PDGFC: variants seen among roughly 807,000 people sequenced by gnomAD.
PDGFC encodes platelet derived growth factor C.
A neutral mutation model predicts 35.5 loss-of-function variants in PDGFC; 12 were observed. The observed-to-expected ratio is 0.34, with a 90% CI of 0.22 to 0.55. The LOEUF (loss-of-function observed/expected upper bound fraction) is 0.55, where lower values mean the gene tolerates loss of function less well. PDGFC is among the 20% of genes least tolerant of loss of function. The pLI, the probability that PDGFC is intolerant of heterozygous loss-of-function variation, is 0.91. For missense variants in PDGFC, 322 were observed against 412.4 expected, an observed-to-expected ratio of 0.78 and a Z score of 1.90; for synonymous variants, 159 against 148.8, an observed-to-expected ratio of 1.07 and a Z score of -0.50.
At chr4:156,902,560 G>A (rs988261637) in intron 1 of PDGFC, among the ~76,000 whole-genome samples, 1 of 152,050 alleles carries the variant, frequency 6.6e-6, no homozygotes, top group Non-Finnish European at 1.5e-5. Flanking sequence ...GAAACTATAA[G>A]AATCACATGC....
intron 1 of PDGFC, among the ~76,000 whole-genome samples, chr4:156,888,580 G>A (rs1178024027): frequency 1.3e-5 from 2 of 152,070 alleles, no homozygotes; most frequent in African/African-American, 4.8e-5. Context: ...GTTTAAAAAA[G>A]TCAACTAACT....
At chr4:156,956,442 T>A (rs1399383054) in intron 1 of PDGFC, among the ~76,000 whole-genome samples, 2 of 152,054 alleles carry the variant, frequency 1.3e-5, no homozygotes, top group Non-Finnish European at 1.5e-5. Context: ...GTATGTATAT[T>A]ACAGTTTATG....
chr4:156,782,946 C>T (rs1731022712), intron 3 of PDGFC, among the ~76,000 whole-genome samples: 1 of 152,110 alleles, frequency 6.6e-6, no homozygotes, highest in Admixed American at 6.5e-5. Context: ...ATGGAAAAAC[C>T]TGTGTCCTTT....
chr4:156,856,198 A>G (rs1729575782), intron 1 of PDGFC, among the ~76,000 whole-genome samples: 1 of 152,152 alleles, frequency 6.6e-6, no homozygotes, highest in South Asian at 2.1e-4. Flanking sequence ...AATATTCACT[A>G]AGGAAAAGTA....
At chr4:156,882,881 G>A (rs999283392) in intron 1 of PDGFC, among the ~76,000 whole-genome samples, 34 of 152,016 alleles carry the variant, frequency 2.2e-4, no homozygotes, top group African/African-American at 7.2e-4. Context: ...TCAGGAGATC[G>A]AGACCATCCT....
At chr4:156,776,235 C>T (rs1730824936) in intron 3 of PDGFC, among the ~76,000 whole-genome samples, 1 of 152,172 alleles carries the variant, frequency 6.6e-6, no homozygotes, top group Non-Finnish European at 1.5e-5. Flanking sequence ...CTAGAAAATT[C>T]TAACAATACT....
At chr4:156,930,987 T>C (rs1038672088) in intron 1 of PDGFC, among the ~76,000 whole-genome samples, 6 of 152,236 alleles carry the variant, frequency 3.9e-5, no homozygotes, top group African/African-American at 1.4e-4. Flanking sequence ...TTAATTTCCC[T>C]GCCCAGTAAT....
At chr4:156,934,854 C>G (rs1483582607) in intron 1 of PDGFC, among the ~76,000 whole-genome samples, 1 of 152,158 alleles carries the variant, frequency 6.6e-6, no homozygotes, top group Non-Finnish European at 1.5e-5. Flanking sequence ...TGTCTTCCAC[C>G]TCTATATTTT....
intron 1 of PDGFC, among the ~76,000 whole-genome samples, chr4:156,857,369 G>A (rs1399082068): frequency 6.6e-6 from 1 of 152,018 alleles, no homozygotes; most frequent in Non-Finnish European, 1.5e-5. Context: ...GTGATTTTTA[G>A]ATAGTGATTT....
intron 2 of PDGFC, among the ~76,000 whole-genome samples, chr4:156,831,764 A>C (rs1728941472): frequency 6.6e-6 from 1 of 151,960 alleles, no homozygotes; most frequent in Non-Finnish European, 1.5e-5. Flanking sequence ...TGAAAAAAGA[A>C]AAAAAAATGT....
chr4:156,924,563 C>A (rs1421021117), intron 1 of PDGFC, among the ~76,000 whole-genome samples: 1 of 152,048 alleles, frequency 6.6e-6, no homozygotes, highest in African/African-American at 2.4e-5. Flanking sequence ...TTTTATTCCC[C>A]CAGAAGTAGA....
chr4:156,823,334 G>A (rs771550777), intron 2 of PDGFC, among the ~76,000 whole-genome samples: 6 of 152,128 alleles, frequency 3.9e-5, no homozygotes, highest in Non-Finnish European at 4.4e-5. Context: ...TGTAAAATGG[G>A]GAAAATATTT....
At chr4:156,853,403 G>A (rs943908834) in intron 1 of PDGFC, among the ~76,000 whole-genome samples, 4 of 152,164 alleles carry the variant, frequency 2.6e-5, no homozygotes, top group African/African-American at 9.6e-5. Context: ...TAATTGTAAC[G>A]TTTTTATTTA....
Position 156,816,050 on chromosome 4 carries a change from C to T in PDGFC, c.315-5033G>A, listed in dbSNP as rs535894187. On this transcript the variant is annotated intron_variant, in intron 2 of 5. Coordinates refer to ENST00000502773, the MANE Select transcript of PDGFC (RefSeq NM_016205.3). ...TGAGGCCATGAGGACGTCTTTCTTA[C>T]TCCTGAGAATTTTAAGGAGTATACC... Among the ~76,000 whole-genome samples the T allele has an allele frequency of 3.9e-5, 6 of 152,306 alleles. No individual in the cohort carries two copies. The East Asian group carries it at 1.2e-3, about 29-fold the overall frequency.
At chr4:156,824,016 A>G (rs1182261569) in intron 2 of PDGFC, among the ~76,000 whole-genome samples, 1 of 152,048 alleles carries the variant, frequency 6.6e-6, no homozygotes, top group African/African-American at 2.4e-5. Context: ...TATATGTGAA[A>G]TCTAAAAAAG....
intron 1 of PDGFC, among the ~76,000 whole-genome samples, chr4:156,855,439 T>G (rs1363849207): frequency 6.6e-6 from 1 of 152,192 alleles, no homozygotes; most frequent in Admixed American, 6.6e-5. Context: ...GAAGTAGGTC[T>G]TGAATCTTGG....
chr4:156,901,185 A>G (rs1238148532), intron 1 of PDGFC, among the ~76,000 whole-genome samples: 1 of 152,146 alleles, frequency 6.6e-6, no homozygotes. Flanking sequence ...ATTTCATCAG[A>G]TCAGTATCCA....
At chr4:156,769,574 A>G (rs943558990) in intron 4 of PDGFC, among the ~76,000 whole-genome samples, 2 of 152,064 alleles carry the variant, frequency 1.3e-5, no homozygotes, top group Non-Finnish European at 2.9e-5. Context: ...TTTCTAACTC[A>G]AGGGAAAGTC....
intron 2 of PDGFC, among the ~76,000 whole-genome samples, chr4:156,844,342 T>C (rs933469157): frequency 1.3e-5 from 2 of 152,062 alleles, no homozygotes; most frequent in African/African-American, 4.8e-5. Context: ...CAGTCTAAAT[T>C]AGTAGAAAAG....
Sources: allele counts gnomAD v4.1 joint callset (sites outside exome capture counted in the v4.1 genomes callset), GRCh38; gene constraint gnomAD v4.1.1; transcripts MANE v1.5; gene names NCBI Gene and HGNC (gene_info 2026-07-23, HGNC 2026-07-21).